Variants in SLC43A2 observed in about 807,000 individuals in gnomAD.
The protein encoded by SLC43A2 is solute carrier family 43 member 2, also known as large neutral amino acids transporter small subunit 4.
SLC43A2 carries 38 observed loss-of-function variants against 63.2 expected under a neutral mutation model. The observed-to-expected ratio is 0.60, with a 90% confidence interval of 0.46 to 0.79. SLC43A2 has a LOEUF of 0.79. SLC43A2 is among the 30% of genes least tolerant of loss of function. SLC43A2 has a pLI of 0.00. For synonymous variants in SLC43A2, 322 were observed against 331.0 expected, an observed-to-expected ratio of 0.97 and a Z score of 0.30; for missense variants, 644 against 756.2, an observed-to-expected ratio of 0.85 and a Z score of 1.74.
chr17:1,612,313 A>T (rs1907190244), intron 5 of SLC43A2, among the ~76,000 whole-genome samples: 2 of 152,070 alleles, frequency 1.3e-5, no homozygotes, highest in Non-Finnish European at 2.9e-5. Context: ...TGCCTCCCTG[A>T]CATCAAGAAG....
upstream of SLC43A2, chr17:1,628,986 G>A (rs973861060): frequency 6.6e-6 from 1 of 152,308 alleles, no homozygotes; most frequent in Non-Finnish European, 1.5e-5. Context: ...GTTCCGGCCG[G>A]ACTCGGAGAC....
rs944598566 is a variant in SLC43A2 at position 1,615,110 on chromosome 17, G to T, written c.369-76C>A. On this transcript the variant is annotated intron_variant, in intron 3 of 13. Coordinates refer to ENST00000301335, the MANE Select transcript of SLC43A2 (RefSeq NM_152346.3). The stretch of plus-strand genomic sequence containing the variant: ...TGTTATTGTTTTGTTTTTGTTTTTG[G>T]TTTTTGGTTTTTCTTGAGACAGAGC... 52 of 1,564,290 alleles carry T rather than the reference G, an allele frequency of 3.3e-5. No individual in the cohort carries two copies. In the African/African-American group the frequency reaches 5.4e-4, roughly 16 times the overall value.
chr17:1,625,918 G>A (rs934789895), intron 2 of SLC43A2, among the ~76,000 whole-genome samples: 29 of 151,840 alleles, frequency 1.9e-4, no homozygotes, highest in African/African-American at 7.0e-4. Flanking sequence ...TTAGACAGAG[G>A]AGGAAGCTGA....
chr17:1,580,040 C>A (rs2075988613), intron 11 of SLC43A2, among the ~76,000 whole-genome samples: 1 of 151,954 alleles, frequency 6.6e-6, no homozygotes. Context: ...AATTCTCCTG[C>A]CTCAGCCTCC....
rs1385892318 is a variant in SLC43A2 at position 1,590,488 on chromosome 17, C to T, written c.1078+314G>A. On this transcript the variant is annotated intron_variant, in intron 9 of 13. Coordinates refer to ENST00000301335, the MANE Select transcript of SLC43A2 (RefSeq NM_152346.3). The stretch of plus-strand genomic sequence containing the variant: ...TTCAGCCATGCTCAGGTGGAGCGTT[C>T]TGTTCTGTTTTCATTTACAGACACA... 7.9e-5 allele frequency among the ~76,000 whole-genome samples: 12 copies of T among 152,254 alleles called. 1 individual carries two copies. The highest frequency in any genetic ancestry group is 3.9e-4 in the Admixed American group (6 of 15,286).
intron 5 of SLC43A2, chr17:1,604,849 C>T: frequency 6.5e-7 from 1 of 1,535,724 alleles, no homozygotes; most frequent in Non-Finnish European, 8.7e-7. Context: ...TGGGTCACTC[C>T]CCACATTCCC....
chr17:1,576,793 C>A, intron 12 of SLC43A2, 73 bp from the exon 13 acceptor site: 2 of 1,558,384 alleles, frequency 1.3e-6, no homozygotes, highest in East Asian at 2.3e-5. Context: ...CTGGTGACCC[C>A]GGGCTGCACC....
In SLC43A2 at chr17:1,575,609, C is replaced by A; in HGVS notation, c.1705G>T (p.Val569Leu). 6.2e-7 allele frequency: 1 copy of A among 1,613,992 alleles called. No homozygotes were observed. Among genetic ancestry groups the A allele is most frequent in the South Asian group, 1.1e-5 (1 of 91,080 alleles). ...INGSSNQEAF[V>L] is the part of the protein sequence containing the mutation. ...CAGTTCCGAGGCGGCAGCCACTACA[C>A]GAAGGCCTCCTGGTTGGACGAGCCG... The change falls in exon 14 of 14, where the codon GTG becomes TTG. Residue 569 changes from valine (V) to leucine (L), a missense_variant. This residue lies in a region of SLC43A2 where 105 missense variants were observed against 101.7 expected (regional missense o/e 1.03). Transcript: ENST00000301335.
At chr17:1,580,780 G>T (rs1345888447) in intron 11 of SLC43A2, among the ~76,000 whole-genome samples, 1 of 150,522 alleles carries the variant, frequency 6.6e-6, no homozygotes, top group Non-Finnish European at 1.5e-5. Flanking sequence ...GCCCAGGCTG[G>T]AGTGCACTGG....
At chr17:1,623,997 G>A (rs1430654088) in intron 2 of SLC43A2, among the ~76,000 whole-genome samples, 3 of 152,178 alleles carry the variant, frequency 2.0e-5, no homozygotes, top group African/African-American at 4.8e-5. Context: ...AGCTCCTGGC[G>A]CCCTGCTTTC....
chr17:1,618,608 G>A (rs950832747), intron 2 of SLC43A2, among the ~76,000 whole-genome samples: 4 of 152,222 alleles, frequency 2.6e-5, no homozygotes, highest in Admixed American at 6.5e-5. Context: ...GAGCCCCGAA[G>A]GGCAGGGCCT....
In SLC43A2 at chr17:1,627,906, C is replaced by T; in HGVS notation, c.-32G>A. ...GCGCGGCGCGGCTCCGGCTCCGGCT[C>T]CGGCTCTGCACCACCTGCGCACAGA... On this transcript the variant is annotated 5_prime_UTR_variant, in exon 2 of 14. Transcript: ENST00000301335. 6.5e-7 allele frequency: 1 copy of T among 1,530,074 alleles called. No homozygotes were observed. The highest frequency in any genetic ancestry group is 8.8e-7 in the Non-Finnish European group (1 of 1,138,896). The allele number at this position is 1,530,074 out of a possible 1,614,324, so 94.8% of individuals were successfully genotyped here. A position where few individuals can be genotyped will look rare whatever the true frequency, so the allele number is the denominator to read the frequency against.
In SLC43A2 at chr17:1,628,820, C is replaced by G. The variant is rs1222763044; in HGVS notation, c.-73G>C. 1 of 151,654 alleles carries G rather than the reference C, an allele frequency of 6.6e-6. No homozygotes were observed. The highest frequency in any genetic ancestry group is 1.5e-5 in the Non-Finnish European group (1 of 68,038). The allele number at this position is 151,654 out of a possible 1,614,324, so 9.4% of individuals were successfully genotyped here. ...CGGCTCCTCCGGCGTGTGTCGGGCC[C>G]GCCCGGCGCCTTTTCTGCCCTCTTT... On this transcript the variant is annotated 5_prime_UTR_variant, in exon 1 of 14. Transcript: ENST00000301335.
intron 3 of SLC43A2, 133 bp downstream of exon 3, chr17:1,616,429 T>G (rs1907669416): frequency 1.2e-6 from 1 of 846,640 alleles, no homozygotes; most frequent in African/African-American, 1.7e-5. Context: ...GGGTAGGAAC[T>G]CCATTCTGGA....
rs551636677 is a variant in SLC43A2, at chr17:1,577,600, C to A, written c.1424+650G>T. Among the ~76,000 whole-genome samples the A allele has an allele frequency of 6.6e-6, 1 of 152,320 alleles. No individual in the cohort carries two copies. Among genetic ancestry groups the A allele is most frequent in the Admixed American group, 6.5e-5 (1 of 15,298 alleles). ...CCCAGAGGTGGGAAAGGAATCCCAGCAACACATGAGCTGGTCCCACATCAG... is the reference window on the plus strand; with the variant it reads ...CCCAGAGGTGGGAAAGGAATCCCAGAAACACATGAGCTGGTCCCACATCAG... On this transcript the variant is annotated intron_variant, in intron 12 of 13. Transcript: ENST00000301335. The surrounding 1 kb of genome is among the most constrained non-coding windows in gnomAD (Gnocchi z 4.9).
rs531797423 is a variant in SLC43A2 at position 1,583,958 on chromosome 17, T to C, written c.1218-622A>G. Reference sequence around the variant, plus strand: ...TCACCCGGGCTGGAGTGCAGTGGTGTGATCTCGGCTCATTGCCACCTCTGC... The same window carrying C: ...TCACCCGGGCTGGAGTGCAGTGGTGCGATCTCGGCTCATTGCCACCTCTGC... On this transcript the variant is annotated intron_variant, in intron 10 of 13. Coordinates refer to ENST00000301335, the MANE Select transcript of SLC43A2 (RefSeq NM_152346.3). The surrounding 1 kb of genome is among the most constrained non-coding windows in gnomAD (Gnocchi z 5.5). Among the ~76,000 whole-genome samples, 184 of 151,788 alleles carry C rather than the reference T, an allele frequency of 1.2e-3. No homozygotes were observed. Among genetic ancestry groups the C allele is most frequent in the African/African-American group, 4.3e-3 (177 of 41,390 alleles).
intron 2 of SLC43A2, among the ~76,000 whole-genome samples, chr17:1,617,143 A>G (rs541137448): frequency 1.2e-4 from 18 of 152,342 alleles, no homozygotes; most frequent in African/African-American, 4.3e-4. Context: ...GGCAGACCTC[A>G]GGGCCCAGCC....
chr17:1,592,619 C>A (rs1470868281), intron 6 of SLC43A2, among the ~76,000 whole-genome samples: 1 of 152,118 alleles, frequency 6.6e-6, no homozygotes, highest in Non-Finnish European at 1.5e-5. Context: ...AGGAAAGGGG[C>A]TTTTACTTAG....
intron 5 of SLC43A2, among the ~76,000 whole-genome samples, chr17:1,596,468 C>T (rs1335556205): frequency 6.6e-6 from 1 of 152,134 alleles, no homozygotes; most frequent in African/African-American, 2.4e-5. Context: ...TCTTACAAAT[C>T]ACAGATCAAG....
Sources: gnomAD v4.1 joint callset for allele counts (sites outside exome capture counted in the v4.1 genomes callset) on GRCh38, gnomAD v4.1.1 for gene constraint, gnomAD v4.1.1 regional missense constraint, Gnocchi (gnomAD v3.1) non-coding constraint, MANE v1.5 for transcripts, NCBI Gene and HGNC (gene_info 2026-07-23, HGNC 2026-07-21) for gene names.